Variants in CRACDL observed in about 807,000 individuals in gnomAD.
CRACDL encodes CRACD like, also known as CRACD-like protein.
Under a neutral mutation model 70.6 loss-of-function variants are expected in CRACDL, and 26 were observed. The observed-to-expected ratio is 0.37, with a 90% CI of 0.27 to 0.51. The LOEUF (loss-of-function observed/expected upper bound fraction) is 0.51. Among genes scored for constraint, CRACDL ranks in the 20% least tolerant of loss-of-function variants. The pLI, the probability that CRACDL is intolerant of heterozygous loss-of-function variation, is 0.94. For synonymous variants in CRACDL, 618 were observed against 615.2 expected (o/e 1.00, Z -0.07); for missense variants, 1,283 against 1,376.9 (o/e 0.93, Z 1.08).
At chr2:98,799,678 T>C (rs1157739901) in intron 7 of CRACDL, among the ~76,000 whole-genome samples, 3 of 152,280 alleles carry the variant, frequency 2.0e-5, no homozygotes, top group East Asian at 3.9e-4. Flanking sequence ...CCTCTACCCT[T>C]AGCTCAAATG....
At chr2:98,923,281 A>AG in intron 1 of CRACDL, among the ~76,000 whole-genome samples, 1 of 152,156 alleles carries the variant, frequency 6.6e-6, no homozygotes, top group East Asian at 1.9e-4. Flanking sequence ...AAAAAAAAAA[A>AG]AAAAAGAAAA....
intron 1 of CRACDL, among the ~76,000 whole-genome samples, chr2:98,878,327 C>T (rs1208729838): frequency 2.0e-5 from 3 of 152,100 alleles, no homozygotes; most frequent in African/African-American, 7.2e-5. Flanking sequence ...TTTTTACTAT[C>T]CCTTTTCTAT....
At chr2:98,926,438 A>T (rs1319018892) in intron 1 of CRACDL, among the ~76,000 whole-genome samples, 2 of 152,148 alleles carry the variant, frequency 1.3e-5, no homozygotes, top group Non-Finnish European at 2.9e-5. Context: ...GGGGAGCATC[A>T]GGCCATTTTG....
chr2:98,857,935 A>G (rs537984221), intron 1 of CRACDL, among the ~76,000 whole-genome samples: 22 of 152,350 alleles, frequency 1.4e-4, no homozygotes, highest in African/African-American at 4.8e-4. Context: ...ACAAAACAAA[A>G]TATATTTAAA....
intron 7 of CRACDL, among the ~76,000 whole-genome samples, chr2:98,814,713 T>C (rs1395823234): frequency 6.6e-6 from 1 of 152,184 alleles, no homozygotes; most frequent in African/African-American, 2.4e-5. Flanking sequence ...CTTGACCTAA[T>C]TGAAATATCC....
intron 9 of CRACDL, 87 bp downstream of exon 9, chr2:98,796,033 A>AAAACC (rs1207782161): frequency 7.1e-6 from 10 of 1,415,010 alleles, no homozygotes; most frequent in East Asian, 4.6e-5. Flanking sequence ...GTAATTTGCA[A>AAAACC]AAACCAAACC....
rs1342084304 is a variant in CRACDL, at chr2:98,796,180, C to A, written c.2689G>T (p.Ala897Ser). ...VKPAVDRKQG[A>S]KLNFKEGLQR... ...AGCCCCTCCTTGAAGTTGAGCTTTG[C>A]CCCCTGCTTCCGGTCCACAGCGGGC... Residue 897 changes from alanine to serine, a missense_variant, in exon 9 of 10, where the codon GCA (alanine) becomes TCA (serine). Ala to Ser is a moderately conservative substitution (Grantham distance 99, BLOSUM62 1). Coordinates refer to ENST00000397899, the MANE Select transcript of CRACDL (RefSeq NM_207362.3). 5.6e-6 allele frequency: 9 copies of A among 1,613,920 alleles called. No individual in the cohort carries two copies. Among genetic ancestry groups the A allele is most frequent in the Non-Finnish European group, 6.8e-6 (8 of 1,179,884 alleles).
chr2:98,829,216 T>C (rs769774144), intron 5 of CRACDL, among the ~76,000 whole-genome samples: 12 of 152,234 alleles, frequency 7.9e-5, no homozygotes, highest in Non-Finnish European at 1.5e-4. Flanking sequence ...TGGGCCGCCC[T>C]GCGTCTGTCC....
At chr2:98,892,272 T>C (rs530738349) in intron 1 of CRACDL, among the ~76,000 whole-genome samples, 1 of 152,234 alleles carries the variant, frequency 6.6e-6, no homozygotes, top group East Asian at 1.9e-4. Context: ...ATTAAAAAAT[T>C]ATACATATCA....
chr2:98,829,775 G>A (rs986596015), intron 5 of CRACDL, among the ~76,000 whole-genome samples: 6 of 152,220 alleles, frequency 3.9e-5, no homozygotes, highest in Admixed American at 2.6e-4. Context: ...GAGGGGCTCA[G>A]CCGCTGAGGA....
At position 98,799,830 on chromosome 2, in the gene CRACDL, C is replaced by G. The variant is rs536280927; in HGVS notation, c.2417-2293G>C. Among the ~76,000 whole-genome samples, 580 of 152,318 alleles carry G rather than the reference C, an allele frequency of 3.8e-3. 4 individuals are homozygous for G. The highest frequency in any genetic ancestry group is 6.5e-3 in the Non-Finnish European group (444 of 68,038). On this transcript the variant is annotated intron_variant, in intron 7 of 9. Transcript: ENST00000397899. Reference sequence around the variant, plus strand: ...CTTCACCCCTGCAGCTCTGACGTGGCTGCACATCCTCTCTGGGGGAGCCTG... The same window carrying G: ...CTTCACCCCTGCAGCTCTGACGTGGGTGCACATCCTCTCTGGGGGAGCCTG...
intron 6 of CRACDL, among the ~76,000 whole-genome samples, chr2:98,824,622 G>C (rs1020856256): frequency 2.0e-5 from 3 of 152,186 alleles, no homozygotes; most frequent in Non-Finnish European, 2.9e-5. Flanking sequence ...TGTGATATTA[G>C]ACACCAAGAG....
At chr2:98,884,167 C>A (rs1581249) in intron 1 of CRACDL, among the ~76,000 whole-genome samples, 38,983 of 152,110 alleles carry the variant, frequency 0.26, 6,028 homozygotes, top group Admixed American at 0.34. Flanking sequence ...CCTGGAAGCA[C>A]AGGCAAACAC....
chr2:98,815,044 A>ATT (rs555799639), intron 7 of CRACDL, among the ~76,000 whole-genome samples: 1 of 147,902 alleles, frequency 6.8e-6, no homozygotes, highest in Admixed American at 6.7e-5. Context: ...TATAGCTTCT[A>ATT]TTTTTTTTTT....
At chr2:98,874,227 G>A (rs772403096) in intron 1 of CRACDL, among the ~76,000 whole-genome samples, 10 of 152,214 alleles carry the variant, frequency 6.6e-5, no homozygotes, top group Non-Finnish European at 1.2e-4. Flanking sequence ...ACCTGCCACA[G>A]ATACGTTCTT....
intron 1 of CRACDL, among the ~76,000 whole-genome samples, chr2:98,925,231 T>C (rs1280475287): frequency 6.6e-6 from 1 of 152,138 alleles, no homozygotes; most frequent in East Asian, 1.9e-4. Flanking sequence ...GAAGGGCCCC[T>C]CCCTTGCCTA....
chr2:98,822,748 G>C lies in CRACDL; in HGVS notation c.1525C>G (p.Pro509Ala). 7.9e-7 allele frequency: 1 copy of C among 1,266,642 alleles called. No homozygotes were observed. Among genetic ancestry groups the C allele is most frequent in the East Asian group, 3.2e-5 (1 of 31,744 alleles). 78.5% of individuals were successfully genotyped at this position (1,266,642 alleles called of 1,614,324 possible). ...KHRPAAASEG[P>A]AASPPLAAAE... is the part of the protein sequence containing the mutation. ...GCGGCAAGCGGCGGGGACGCGGCGG[G>C]GCCCTCGCTGGCGGCCGCGGGCCGG... The change falls in exon 7 of 10, where the codon CCC (proline) becomes GCC (alanine). Residue 509 changes from proline to alanine, a missense_variant. By Grantham distance (27) the Pro-to-Ala change is conservative. This residue lies in a region of CRACDL where 921 missense variants were observed against 881.9 expected (regional missense o/e 1.04). Transcript: ENST00000397899. The surrounding 1 kb of genome is among the most constrained non-coding windows in gnomAD (Gnocchi z 4.9).
chr2:98,904,623 C>T (rs1003149423), intron 1 of CRACDL, among the ~76,000 whole-genome samples: 1 of 152,194 alleles, frequency 6.6e-6, no homozygotes, highest in Non-Finnish European at 1.5e-5. Flanking sequence ...AATTTTCATT[C>T]AAGAAGAACA....
intron 1 of CRACDL, among the ~76,000 whole-genome samples, chr2:98,914,136 AGCCG>A (rs1708609629): frequency 6.6e-6 from 1 of 152,250 alleles, no homozygotes; most frequent in Non-Finnish European, 1.5e-5. Context: ...GGAGCCAGGA[AGCCG>A]AGGCAGGAGC....
Sources: allele counts gnomAD v4.1 joint callset (sites outside exome capture counted in the v4.1 genomes callset), GRCh38; gene constraint gnomAD v4.1.1; regional missense constraint gnomAD v4.1.1; non-coding constraint Gnocchi (gnomAD v3.1); transcripts MANE v1.5; gene names NCBI Gene and HGNC (gene_info 2026-07-23, HGNC 2026-07-21).